The following HS3ST5 variants were observed in gnomAD, a reference collection of about 807,000 sequenced individuals.
The protein encoded by HS3ST5 is heparan sulfate-glucosamine 3-sulfotransferase 5.
Under a neutral mutation model 25.4 loss-of-function variants are expected in HS3ST5, and 10 were observed. The observed-to-expected ratio is 0.39, with a 90% confidence interval of 0.24 to 0.67. The LOEUF is 0.67. HS3ST5 is among the 30% of genes least tolerant of loss of function. The pLI is 0.44. For synonymous variants in HS3ST5, 170 were observed against 162.4 expected (o/e 1.05, Z -0.36); for missense variants, 324 against 420.7 (o/e 0.77, Z 2.01).
At chr6:114,161,159 C>G (rs2114982135) in intron 3 of HS3ST5, among the ~76,000 whole-genome samples, 1 of 152,070 alleles carries the variant, frequency 6.6e-6, no homozygotes, top group Non-Finnish European at 1.5e-5. Flanking sequence ...CAACTCCCCT[C>G]AAGGTCAGCG....
chr6:114,254,070 GA>G (rs1772787711), intron 1 of HS3ST5, among the ~76,000 whole-genome samples: 1 of 152,116 alleles, frequency 6.6e-6, no homozygotes, highest in South Asian at 2.1e-4. Flanking sequence ...AGAGAGAAGA[GA>G]AAAATAAGAG....
At chr6:114,209,494 G>A (rs1781423720) in intron 2 of HS3ST5, among the ~76,000 whole-genome samples, 1 of 151,490 alleles carries the variant, frequency 6.6e-6, no homozygotes, top group East Asian at 1.9e-4. Flanking sequence ...TTTCTATTGA[G>A]TATTGCTTAT....
At chr6:114,316,046 C>A (rs1775733377) in intron 1 of HS3ST5, among the ~76,000 whole-genome samples, 1 of 152,134 alleles carries the variant, frequency 6.6e-6, no homozygotes, top group African/African-American at 2.4e-5. Flanking sequence ...TGAAAACATA[C>A]CATCTTTTCA....
chr6:114,242,859 C>CA (rs376265869), intron 1 of HS3ST5, among the ~76,000 whole-genome samples: 33,466 of 110,610 alleles, frequency 0.3, 4,828 homozygotes, highest in East Asian at 0.49. Flanking sequence ...GACTCCGTCT[C>CA]AAAAAAAAAA....
At chr6:114,243,480 T>C (rs928335884) in intron 1 of HS3ST5, among the ~76,000 whole-genome samples, 1 of 152,176 alleles carries the variant, frequency 6.6e-6, no homozygotes, top group African/African-American at 2.4e-5. Context: ...GTATAACTCA[T>C]TGGTTATCAT....
At chr6:114,106,451 A>G (rs1376453460) in intron 3 of HS3ST5, among the ~76,000 whole-genome samples, 1 of 152,126 alleles carries the variant, frequency 6.6e-6, no homozygotes, top group Non-Finnish European at 1.5e-5. Flanking sequence ...CACTTACAAT[A>G]TATTCTATTT....
chr6:114,178,513 G>A (rs938791063), intron 2 of HS3ST5: 1 of 152,200 alleles, frequency 6.6e-6, no homozygotes, highest in African/African-American at 2.4e-5. Flanking sequence ...ACACTAAAAG[G>A]TTCCCAGAGC....
At chr6:114,240,009 TACACACACACAC>T (rs149926688) in intron 1 of HS3ST5, among the ~76,000 whole-genome samples, 2 of 148,878 alleles carry the variant, frequency 1.3e-5, no homozygotes, top group Non-Finnish European at 3.0e-5. Flanking sequence ...AGCACACACA[TACACACACACAC>T]ACACACACAC....
At chr6:114,317,546 A>AT (rs1202217122) in intron 1 of HS3ST5, among the ~76,000 whole-genome samples, 2 of 152,052 alleles carry the variant, frequency 1.3e-5, no homozygotes, top group African/African-American at 2.4e-5. Context: ...GTATATTGTA[A>AT]TTTTTTTATT....
chr6:114,146,442 C>T (rs1778165929), intron 3 of HS3ST5, among the ~76,000 whole-genome samples: 1 of 152,204 alleles, frequency 6.6e-6, no homozygotes, highest in Non-Finnish European at 1.5e-5. Context: ...GTGTTTCTCT[C>T]TGTCTCACCT....
chr6:114,316,725 C>A (rs35533566), intron 1 of HS3ST5, among the ~76,000 whole-genome samples: 33,188 of 152,104 alleles, frequency 0.22, 3,719 homozygotes, highest in Admixed American at 0.27. Flanking sequence ...CTAGAAAAAA[C>A]CAAAACCTTC....
At chr6:114,338,431 C>A (rs1242698912) in intron 1 of HS3ST5, among the ~76,000 whole-genome samples, 1 of 151,208 alleles carries the variant, frequency 6.6e-6, no homozygotes, top group Non-Finnish European at 1.5e-5. Context: ...AACTCTTCAA[C>A]CATTTCTTAA....
At chr6:114,257,390 T>C (rs1003716447) in intron 1 of HS3ST5, among the ~76,000 whole-genome samples, 2 of 152,224 alleles carry the variant, frequency 1.3e-5, no homozygotes, top group Non-Finnish European at 2.9e-5. Context: ...GATAACCCTA[T>C]GATGTAGGTA....
At chr6:114,331,238 A>G (rs1582821474) in intron 1 of HS3ST5, among the ~76,000 whole-genome samples, 1 of 152,186 alleles carries the variant, frequency 6.6e-6, no homozygotes, top group East Asian at 1.9e-4. Flanking sequence ...AAGTCAGAGA[A>G]AGAAGTTAAG....
intron 1 of HS3ST5, among the ~76,000 whole-genome samples, chr6:114,242,421 A>G (rs1440115972): frequency 6.6e-6 from 1 of 152,184 alleles, no homozygotes; most frequent in Non-Finnish European, 1.5e-5. Flanking sequence ...TAATGAGTAA[A>G]TGAATGGATG....
In HS3ST5 at chr6:114,205,787, T is replaced by C. The variant is rs1219206138; in HGVS notation, c.-145+22798A>G. Among the ~76,000 whole-genome samples the C allele has an allele frequency of 2.0e-5, 3 of 152,132 alleles. No homozygotes were observed. In the East Asian group the frequency reaches 5.8e-4, roughly 29 times the overall value. On this transcript the variant is annotated intron_variant, in intron 2 of 4. Coordinates refer to ENST00000312719, the MANE Select transcript of HS3ST5 (RefSeq NM_153612.4). ...CAGATCATCAGGCATTAGATTCTCA[T>C]ACAGAACAGGCAACTTAGATCCCTC...
intron 3 of HS3ST5, among the ~76,000 whole-genome samples, chr6:114,080,705 T>C (rs1301061977): frequency 2.6e-5 from 4 of 152,190 alleles, no homozygotes; most frequent in Non-Finnish European, 1.5e-5. Context: ...ACCGCATGTC[T>C]CACTTATAAG....
intron 1 of HS3ST5, among the ~76,000 whole-genome samples, chr6:114,338,512 T>G (rs1342596974): frequency 4.6e-5 from 7 of 152,018 alleles, no homozygotes; most frequent in Admixed American, 4.6e-4. Flanking sequence ...TGCCAATTAA[T>G]AGTAAGACAC....
At chr6:114,211,422 A>G (rs140968256) in intron 2 of HS3ST5, among the ~76,000 whole-genome samples, 1 of 152,226 alleles carries the variant, frequency 6.6e-6, no homozygotes. Flanking sequence ...TGTAAGTTTT[A>G]TTTCCAGAGA....
Sources: allele counts gnomAD v4.1 joint callset (sites outside exome capture counted in the v4.1 genomes callset), GRCh38; gene constraint gnomAD v4.1.1; transcripts MANE v1.5; gene names NCBI Gene and HGNC (gene_info 2026-07-23, HGNC 2026-07-21).